Variants in PCDHGB7 observed in about 807,000 individuals in gnomAD.
PCDHGB7 encodes protocadherin gamma subfamily B, 7, also known as protocadherin gamma-B7.
In PCDHGB7, 37 loss-of-function variants were observed where a neutral mutation model predicts 61.4. The ratio of observed to expected loss-of-function variants is 0.60; its 90% confidence interval spans 0.46 to 0.79. The LOEUF (loss-of-function observed/expected upper bound fraction) is 0.79, where lower values mean the gene tolerates loss of function less well. Among genes scored for constraint, PCDHGB7 ranks in the 30% least tolerant of loss-of-function variants. The pLI is 0.00. For missense variants in PCDHGB7, 1,166 were observed against 1,202.5 expected (o/e 0.97, Z 0.45); for synonymous variants, 464 against 503.5 (o/e 0.92, Z 1.05).
chr5:141,432,049 G>T lies in PCDHGB7; in HGVS notation c.2415+11775G>T. The T allele has an allele frequency of 7.4e-6, 12 of 1,614,150 alleles. No individual in the cohort carries two copies. Among genetic ancestry groups the T allele is most frequent in the Non-Finnish European group, 1.0e-5 (12 of 1,180,028 alleles). Reference sequence around the variant, plus strand: ...TGACCGCCACTGACCGGGGAACCCCGCCCCTATCCACGGAAACTCATATCT... The same window carrying T: ...TGACCGCCACTGACCGGGGAACCCCTCCCCTATCCACGGAAACTCATATCT... On this transcript the variant is annotated intron_variant, in intron 1 of 3. Coordinates refer to ENST00000398594, the MANE Select transcript of PCDHGB7 (RefSeq NM_018927.4). The surrounding 1 kb of genome is among the most constrained non-coding windows in gnomAD (Gnocchi z 6.0).
At chr5:141,494,972 C>T (rs1005793988) in intron 2 of PCDHGB7, 107 bp downstream of exon 2, 69 of 1,581,734 alleles carry the variant, frequency 4.4e-5, no homozygotes, top group Non-Finnish European at 5.9e-5. Context: ...TGGCTTCTCC[C>T]TCAGTTTGAG....
Position 141,431,570 on chromosome 5 carries a change from G to T in PCDHGB7, c.2415+11296G>T. On this transcript the variant is annotated intron_variant, in intron 1 of 3. Coordinates refer to ENST00000398594, the MANE Select transcript of PCDHGB7 (RefSeq NM_018927.4). This position sits in a 1 kb window ranked among gnomAD's most constrained non-coding sequence, Gnocchi z 4.8. The stretch of plus-strand genomic sequence containing the variant: ...TGTAGTCAACGCTACCGACCCTGAC[G>T]AAGGAGTCAATGCGGAAGTGAGGTA... The T allele has an allele frequency of 6.2e-7, 1 of 1,614,172 alleles. No homozygotes were observed. Among genetic ancestry groups the T allele is most frequent in the Non-Finnish European group, 8.5e-7 (1 of 1,180,024 alleles).
chr5:141,476,979 G>C lies in PCDHGB7; in HGVS notation c.2416-17828G>C. On this transcript the variant is annotated intron_variant, in intron 1 of 3. Coordinates refer to ENST00000398594, the MANE Select transcript of PCDHGB7 (RefSeq NM_018927.4). The surrounding 1 kb of genome is among the most constrained non-coding windows in gnomAD (Gnocchi z 7.6). Reference sequence around the variant, plus strand: ...ATTTACTCCTTCGGCAGCCACAACCGCGCCGGCGTGCGGCAACTATTCGCC... The same window carrying C: ...ATTTACTCCTTCGGCAGCCACAACCCCGCCGGCGTGCGGCAACTATTCGCC... 1 of 1,614,238 alleles carries C rather than the reference G, an allele frequency of 6.2e-7. No homozygotes were observed. The highest frequency in any genetic ancestry group is 1.3e-5 in the African/African-American group (1 of 75,074).
chr5:141,456,446 T>C (rs1053843910), intron 1 of PCDHGB7, among the ~76,000 whole-genome samples: 2 of 151,782 alleles, frequency 1.3e-5, no homozygotes, highest in Admixed American at 1.3e-4. Context: ...GTATACAGAG[T>C]CCAAATATCA....
rs988237114 is a variant in PCDHGB7 at position 141,493,830 on chromosome 5, G to A, written c.2416-977G>A. On this transcript the variant is annotated intron_variant, in intron 1 of 3. Transcript: ENST00000398594. This position sits in a 1 kb window ranked among gnomAD's most constrained non-coding sequence, Gnocchi z 4.3. ...ATACTCACACTCTCTGCTTCTGGGA[G>A]CAAGTATGAGTATTAATTACCAGCC... 1.3e-5 allele frequency among the ~76,000 whole-genome samples: 2 copies of A among 152,218 alleles called. No individual in the cohort carries two copies. The highest frequency in any genetic ancestry group is 4.8e-5 in the African/African-American group (2 of 41,456).
chr5:141,495,034 A>C (rs986393420), intron 2 of PCDHGB7, 169 bp downstream of exon 2: 1 of 962,702 alleles, frequency 1.0e-6, no homozygotes, highest in Non-Finnish European at 1.2e-6. Context: ...CCCCGGAAGG[A>C]AGAGGCGACT....
chr5:141,511,288 C>G lies in PCDHGB7; in HGVS notation c.*115C>G. ...CTAACCCCCAGAATACTGGTAGGGG[C>G]CAAGGCCATGCTCCCCTTGGGAAAC... On this transcript the variant is annotated 3_prime_UTR_variant, in exon 4 of 4. Transcript: ENST00000398594. 6.6e-7 allele frequency: 1 copy of G among 1,518,266 alleles called. No homozygotes were observed. The highest frequency in any genetic ancestry group is 8.9e-7 in the Non-Finnish European group (1 of 1,129,706). The allele number at this position is 1,518,266 out of a possible 1,614,324, so 94.0% of individuals were successfully genotyped here.
intron 1 of PCDHGB7, chr5:141,421,895 GA>G: frequency 6.2e-7 from 1 of 1,613,730 alleles, no homozygotes; most frequent in African/African-American, 1.3e-5. Flanking sequence ...GATCCCATCC[GA>G]AAGGGCGCAG....
At chr5:141,500,241 C>T (rs1284996879) in intron 2 of PCDHGB7, among the ~76,000 whole-genome samples, 18 of 150,770 alleles carry the variant, frequency 1.2e-4, no homozygotes, top group Non-Finnish European at 1.5e-5. Flanking sequence ...CGTAGCCTTG[C>T]TCTGTCACCC....
chr5:141,457,972 A>AC (rs1198043621), intron 1 of PCDHGB7, among the ~76,000 whole-genome samples: 4 of 152,218 alleles, frequency 2.6e-5, no homozygotes, highest in African/African-American at 9.6e-5. Flanking sequence ...TTAAAGGGAA[A>AC]CACACCCTTT....
At chr5:141,474,106 A>G (rs1334111464) in intron 1 of PCDHGB7, among the ~76,000 whole-genome samples, 1 of 152,108 alleles carries the variant, frequency 6.6e-6, no homozygotes, top group African/African-American at 2.4e-5. Flanking sequence ...CAACAAAAAC[A>G]ACAACAACGA....
In PCDHGB7 at chr5:141,418,603, G is replaced by C; in HGVS notation, c.744G>C (p.Arg248Ser). The change falls in exon 1 of 4, where the codon AGG becomes AGC. Residue 248 changes from arginine to serine, a missense_variant. Coordinates refer to ENST00000398594, the MANE Select transcript of PCDHGB7 (RefSeq NM_018927.4). Reference sequence around the variant, plus strand: ...CAGTGTTCAGCCAGGACGTGTACAGGGTTAGCCTTCGGGAAGACGTGCCTC... The same window carrying C: ...CAGTGTTCAGCCAGGACGTGTACAGCGTTAGCCTTCGGGAAGACGTGCCTC... The part of the protein sequence containing the change: ...NPPVFSQDVY[R>S]VSLREDVPPG... 1 of 1,614,020 alleles carries C rather than the reference G, an allele frequency of 6.2e-7. No homozygotes were observed. Among genetic ancestry groups the C allele is most frequent in the Non-Finnish European group, 8.5e-7 (1 of 1,179,900 alleles).
At position 141,454,263 on chromosome 5, in the gene PCDHGB7, T is replaced by C. The variant is rs954231508; in HGVS notation, c.2415+33989T>C. Among the ~76,000 whole-genome samples, 42 of 152,140 alleles carry C rather than the reference T, an allele frequency of 2.8e-4. 1 individual carries two copies. Among genetic ancestry groups the C allele is most frequent in the South Asian group, 1.0e-3 (5 of 4,826 alleles). On this transcript the variant is annotated intron_variant, in intron 1 of 3. Coordinates refer to ENST00000398594, the MANE Select transcript of PCDHGB7 (RefSeq NM_018927.4). Reference sequence around the variant, plus strand: ...GATGAAGATGTCCCAGAGAAAGTAATGCCAGCAAAAACTTCACATTAAAGG... The same window carrying C: ...GATGAAGATGTCCCAGAGAAAGTAACGCCAGCAAAAACTTCACATTAAAGG...
chr5:141,430,666 G>A (rs2097301396), intron 1 of PCDHGB7: 1 of 1,222,518 alleles, frequency 8.2e-7, no homozygotes, highest in Admixed American at 2.7e-5. Flanking sequence ...GAGGAGCTCT[G>A]ACTTCCCAAC....
chr5:141,427,895 G>T (rs539406412), intron 1 of PCDHGB7: 3 of 1,569,228 alleles, frequency 1.9e-6, no homozygotes, highest in South Asian at 2.2e-5. Context: ...ACCAGGGCTC[G>T]CCCGCGCTCA....
At chr5:141,428,290 C>G in intron 1 of PCDHGB7, 2 of 726,802 alleles carry the variant, frequency 2.8e-6, no homozygotes, top group Non-Finnish European at 4.8e-6. Context: ...CCAAGCAAAG[C>G]TGCAGATTTA....
intron 3 of PCDHGB7, among the ~76,000 whole-genome samples, chr5:141,508,439 T>C (rs1037512760): frequency 1.3e-5 from 2 of 152,188 alleles, no homozygotes; most frequent in African/African-American, 4.8e-5. Flanking sequence ...ACACAGTTCC[T>C]TAGTGGCAGA....
chr5:141,430,924 G>A (rs1217400258), intron 1 of PCDHGB7: 1 of 1,607,462 alleles, frequency 6.2e-7, no homozygotes, highest in Admixed American at 1.7e-5. Context: ...TGGGGCTGGA[G>A]CCCCGGGAGC....
intron 1 of PCDHGB7, chr5:141,441,126 C>T (rs1319809408): frequency 6.6e-6 from 1 of 152,062 alleles, no homozygotes; most frequent in Non-Finnish European, 1.5e-5. Context: ...CAGTTGAGAC[C>T]GAATTTCTAG....
Sources: gnomAD v4.1 joint callset for allele counts (sites outside exome capture counted in the v4.1 genomes callset) on GRCh38, gnomAD v4.1.1 for gene constraint, Gnocchi (gnomAD v3.1) non-coding constraint, MANE v1.5 for transcripts, NCBI Gene and HGNC (gene_info 2026-07-23, HGNC 2026-07-21) for gene names.